Variants in CEACAM3 observed in about 807,000 individuals in gnomAD.
CEACAM3 encodes CEA cell adhesion molecule 3, also known as cell adhesion molecule CEACAM3.
CEACAM3 carries 32 observed loss-of-function variants against 30.1 expected under a neutral mutation model. The ratio of observed to expected loss-of-function variants is 1.06; its 90% CI spans 0.80 to 1.43. The LOEUF is 1.43. CEACAM3 is among the 40% of genes most tolerant of loss of function. The probability of loss-of-function intolerance (pLI) is 0.00; values close to 1 mark genes in which losing one functional copy is unlikely to be tolerated. For missense variants in CEACAM3, 290 were observed against 316.3 expected (o/e 0.92, Z 0.63); for synonymous variants, 134 against 127.2 (o/e 1.05, Z -0.36).
rs1164324050 is a variant in CEACAM3 at position 41,803,426 on chromosome 19, A to ATGTGTGTG, written c.425-5361_425-5354dup. On this transcript the variant is annotated intron_variant, in intron 2 of 6. Coordinates refer to ENST00000357396, the MANE Select transcript of CEACAM3 (RefSeq NM_001815.5). ...CTGAACAGCAAAGTTTTGTGTGTGT[A>ATGTGTGTG]TGTGTGTGTGTGTGTGTGTGTGTGT... 4.7e-4 allele frequency among the ~76,000 whole-genome samples: 60 copies of ATGTGTGTG among 129,002 alleles called. 1 individual carries two copies. Among genetic ancestry groups the ATGTGTGTG allele is most frequent in the African/African-American group, 1.5e-3 (52 of 35,208 alleles). 84.6% of individuals were successfully genotyped at this position (129,002 alleles called of 152,430 possible).
At chr19:41,809,796 G>A (rs1362496226) in intron 3 of CEACAM3, 169 bp from the exon 4 acceptor site, 1 of 685,132 alleles carries the variant, frequency 1.5e-6, no homozygotes, top group Non-Finnish European at 2.7e-6. Flanking sequence ...GGTTCCTAAA[G>A]CCTTTCCTCA....
intron 2 of CEACAM3, among the ~76,000 whole-genome samples, chr19:41,801,329 C>T (rs1555825960): frequency 6.6e-6 from 1 of 152,150 alleles, no homozygotes; most frequent in East Asian, 1.9e-4. Flanking sequence ...CCCCAGGCCA[C>T]CAGGAGAACG....
intron 2 of CEACAM3, among the ~76,000 whole-genome samples, chr19:41,804,837 CTT>C (rs782813487): frequency 1.4e-5 from 2 of 145,422 alleles, no homozygotes; most frequent in Admixed American, 6.9e-5. Flanking sequence ...CCCCAAATTT[CTT>C]TTTTTTTTTT....
chr19:41,808,961 C>T, intron 3 of CEACAM3, 31 bp downstream of exon 3: 1 of 1,463,734 alleles, frequency 6.8e-7, no homozygotes, highest in Non-Finnish European at 9.2e-7. Flanking sequence ...CCTTCTCCCA[C>T]CCCCTAGGCT....
At chr19:41,801,898 G>A (rs529423435) in intron 2 of CEACAM3, among the ~76,000 whole-genome samples, 20 of 152,256 alleles carry the variant, frequency 1.3e-4, no homozygotes, top group Middle Eastern at 3.4e-3. Context: ...TGCTGATCTC[G>A]TAATGTTTCA....
intron 5 of CEACAM3, 23 bp from the exon 6 acceptor site, chr19:41,810,809 T>G (rs1163334264): frequency 5.6e-6 from 9 of 1,603,336 alleles, no homozygotes; most frequent in Non-Finnish European, 7.7e-6. Context: ...TGGGCCTCCA[T>G]GACCCTCCCT....
Position 41,797,794 on chromosome 19 carries a change from C to G in CEACAM3, c.270C>G (p.Thr90=). The G allele has an allele frequency of 6.2e-7, 1 of 1,612,268 alleles. No individual in the cohort carries two copies. The highest frequency in any genetic ancestry group is 8.5e-7 in the Non-Finnish European group (1 of 1,180,024). Residue 90 remains threonine (T), a synonymous_variant, in exon 2 of 7, where the codon ACC becomes ACG. Transcript: ENST00000357396. ...ATGTAATAGGAACTCAACAAGCTACCCCAGGGGCCGCATACAGCGGTCGAG... is the reference window on the plus strand; with the variant it reads ...ATGTAATAGGAACTCAACAAGCTACGCCAGGGGCCGCATACAGCGGTCGAG... ...VGYVIGTQQA[T]PGAAYSGRET...
Position 41,811,317 on chromosome 19 carries a change from C to A in CEACAM3, c.*80C>A. 1 of 1,244,960 alleles carries A rather than the reference C, an allele frequency of 8.0e-7. No homozygotes were observed. The highest frequency in any genetic ancestry group is 1.2e-6 in the Non-Finnish European group (1 of 850,782). 77.1% of individuals were successfully genotyped at this position (1,244,960 alleles called of 1,614,324 possible). ...CCTGGGGATGGGGAAGGACATGAAG[C>A]CTGAGCCAGAGAACCAGCTATAAGT... On this transcript the variant is annotated 3_prime_UTR_variant, in exon 7 of 7. Transcript: ENST00000357396.
chr19:41,808,848 G>C lies in CEACAM3; in HGVS notation c.460G>C (p.Ala154Pro). Residue 154 changes from alanine (A) to proline (P), a missense_variant, in exon 3 of 7, where the codon GCC becomes CCC. Physicochemically the swap from Ala to Pro is conservative, Grantham distance 27. Transcript: ENST00000357396. ...NAPGLPVGAVAGIVTGVLVGV... is the reference protein window; with the variant it reads ...NAPGLPVGAVPGIVTGVLVGV... ...CCCAGGCCTTCCTGTGGGGGCCGTC[G>C]CCGGCATCGTGACCGGGGTCCTGGT... is the stretch of plus-strand genomic sequence containing the variant. 1.2e-6 allele frequency: 2 copies of C among 1,611,460 alleles called. No individual in the cohort carries two copies. The highest frequency in any genetic ancestry group is 4.5e-5 in the East Asian group (2 of 44,578).
chr19:41,808,413 G>A (rs1056513059), intron 2 of CEACAM3, among the ~76,000 whole-genome samples: 3 of 152,342 alleles, frequency 2.0e-5, no homozygotes, highest in Non-Finnish European at 4.4e-5. Context: ...CTGGCACATG[G>A]AAGGCCCCTG....
intron 2 of CEACAM3, among the ~76,000 whole-genome samples, chr19:41,805,993 C>T (rs868912666): frequency 6.9e-6 from 1 of 143,910 alleles, no homozygotes; most frequent in Admixed American, 6.7e-5. Context: ...TCTACTCTTC[C>T]TGTTGTTGTT....
chr19:41,808,339 C>T (rs530180352), intron 2 of CEACAM3, among the ~76,000 whole-genome samples: 1 of 152,206 alleles, frequency 6.6e-6, no homozygotes, highest in African/African-American at 2.4e-5. Flanking sequence ...GGGGGTGATG[C>T]CCCCTCTCCC....
At position 41,811,191 on chromosome 19, in the gene CEACAM3, C is replaced by A. The variant is rs1555827595; in HGVS notation, c.713C>A (p.Thr238Lys). ...SIYEELLKHD[T>K]NIYCRMDHKA... ...TAACAGGAATTGCTAAAACATGACA[C>A]AAACATTTACTGCCGGATGGACCAC... is the stretch of plus-strand genomic sequence containing the variant. Residue 238 changes from threonine to lysine, a missense_variant, in exon 7 of 7, where the codon ACA becomes AAA. By Grantham distance (78) the Thr-to-Lys change is moderately conservative. Coordinates refer to ENST00000357396, the MANE Select transcript of CEACAM3 (RefSeq NM_001815.5). 6.2e-7 allele frequency: 1 copy of A among 1,614,096 alleles called. No homozygotes were observed. Among genetic ancestry groups the A allele is most frequent in the Non-Finnish European group, 8.5e-7 (1 of 1,179,986 alleles).
chr19:41,803,750 G>GTGTAAAATA (rs2073175603), intron 2 of CEACAM3, among the ~76,000 whole-genome samples: 1 of 86,130 alleles, frequency 1.2e-5, no homozygotes. Flanking sequence ...ACAGGCATGA[G>GTGTAAAATA]CCACCATGCC....
chr19:41,797,163 CTG>C lies in CEACAM3; in HGVS notation c.65-422_65-421del, dbSNP rs1369016081. ...CGTACAACAAATATCAGACAAGTCTCTGTGTTCAAAGAGCTTACACTCTTGCA... is the reference window on the plus strand; with the variant it reads ...CGTACAACAAATATCAGACAAGTCTCTGTTCAAAGAGCTTACACTCTTGCA... On this transcript the variant is annotated intron_variant, in intron 1 of 6. Coordinates refer to ENST00000357396, the MANE Select transcript of CEACAM3 (RefSeq NM_001815.5). 8 of 232,330 alleles carry C rather than the reference CTG, an allele frequency of 3.4e-5. No individual in the cohort carries two copies. In the East Asian group the frequency reaches 8.1e-4, roughly 23 times the overall value. The allele number at this position is 232,330 out of a possible 1,614,324, so 14.4% of individuals were successfully genotyped here.
chr19:41,807,317 G>A, intron 2 of CEACAM3: 1 of 1,608,070 alleles, frequency 6.2e-7, no homozygotes, highest in Non-Finnish European at 8.5e-7. Context: ...GAATGACACA[G>A]GACCCTATGA....
chr19:41,799,306 T>C (rs1366871849), intron 2 of CEACAM3, among the ~76,000 whole-genome samples: 2 of 152,148 alleles, frequency 1.3e-5, no homozygotes, highest in Admixed American at 6.5e-5. Context: ...TCTTTAAAAG[T>C]GTGTGGCGCC....
At chr19:41,797,132 C>T (rs2073108547) in intron 1 of CEACAM3, 4 of 237,996 alleles carry the variant, frequency 1.7e-5, no homozygotes, top group Admixed American at 5.0e-5. Flanking sequence ...AAATTTTAGG[C>T]ACTGGCGTAC....
chr19:41,808,263 T>C (rs1224743556), intron 2 of CEACAM3, among the ~76,000 whole-genome samples: 1 of 152,242 alleles, frequency 6.6e-6, no homozygotes, highest in Non-Finnish European at 1.5e-5. Flanking sequence ...TTTTATCACT[T>C]ACGAGTTCTG....
Sources: allele counts gnomAD v4.1 joint callset (sites outside exome capture counted in the v4.1 genomes callset), GRCh38; gene constraint gnomAD v4.1.1; transcripts MANE v1.5; gene names NCBI Gene and HGNC (gene_info 2026-07-23, HGNC 2026-07-21).